The following FOXP2 variants were observed in gnomAD, a reference collection of about 807,000 sequenced individuals.
FOXP2 encodes the protein forkhead box P2.
In FOXP2, 12 loss-of-function variants were observed where a neutral mutation model predicts 115.8. The ratio of observed to expected loss-of-function variants is 0.10; its 90% confidence interval spans 0.07 to 0.17. The LOEUF (loss-of-function observed/expected upper bound fraction) is 0.17. FOXP2 is among the 10% of genes least tolerant of loss of function. The pLI, the probability that FOXP2 is intolerant of heterozygous loss-of-function variation, is 1.00. For missense variants in FOXP2, 629 were observed against 843.5 expected (o/e 0.75, Z 3.15); for synonymous variants, 328 against 297.7 (o/e 1.10, Z -1.05).
At chr7:114,152,708 C>T (rs978111721) in intron 1 of FOXP2, among the ~76,000 whole-genome samples, 2 of 151,970 alleles carry the variant, frequency 1.3e-5, no homozygotes, top group African/African-American at 2.4e-5. Flanking sequence ...GAAGACTGCC[C>T]GTGATTTGGA....
chr7:114,255,080 A>G (rs1273909111), intron 1 of FOXP2, among the ~76,000 whole-genome samples: 2 of 152,196 alleles, frequency 1.3e-5, no homozygotes, highest in Non-Finnish European at 2.9e-5. Context: ...TTGCCTGGGT[A>G]TCAGCAGTGG....
At chr7:114,570,016 T>A (rs570294770) in intron 3 of FOXP2, among the ~76,000 whole-genome samples, 2 of 152,034 alleles carry the variant, frequency 1.3e-5, no homozygotes, top group East Asian at 3.9e-4. Context: ...TCTAAGGATG[T>A]GTTGTCACAT....
chr7:114,287,015 A>G (rs1796482126), intron 1 of FOXP2, among the ~76,000 whole-genome samples: 1 of 152,078 alleles, frequency 6.6e-6, no homozygotes, highest in Non-Finnish European at 1.5e-5. Context: ...TTCAATGCCT[A>G]TGGCAGACAT....
chr7:114,641,987 G>A (rs34742223), intron 6 of FOXP2, among the ~76,000 whole-genome samples: 17,329 of 151,676 alleles, frequency 0.11, 1,090 homozygotes, highest in Middle Eastern at 0.18. Context: ...TGTATTTTTA[G>A]TAGAGACAGG....
chr7:114,187,600 A>T (rs1281222244), intron 1 of FOXP2, among the ~76,000 whole-genome samples: 1 of 152,190 alleles, frequency 6.6e-6, no homozygotes, highest in Non-Finnish European at 1.5e-5. Flanking sequence ...ATTCATGTAA[A>T]TACAGACTTT....
At chr7:114,639,092 T>C (rs1402113243) in intron 6 of FOXP2, among the ~76,000 whole-genome samples, 2 of 152,092 alleles carry the variant, frequency 1.3e-5, no homozygotes, top group Non-Finnish European at 2.9e-5. Context: ...ATTAATAAAA[T>C]CCAAAAACTG....
At chr7:114,631,447 G>A in intron 5 of FOXP2, 81 bp from the exon 6 acceptor site, 1 of 1,545,588 alleles carries the variant, frequency 6.5e-7, no homozygotes, top group Middle Eastern at 2.2e-4. Flanking sequence ...GCAATGAAAG[G>A]AGTGTGCATT....
chr7:114,543,887 A>C (rs917180263), intron 3 of FOXP2, among the ~76,000 whole-genome samples: 1 of 152,214 alleles, frequency 6.6e-6, no homozygotes, highest in Admixed American at 6.5e-5. Flanking sequence ...TATTTTATTG[A>C]AGACTTGAGA....
intron 15 of FOXP2, among the ~76,000 whole-genome samples, 170 bp downstream of exon 15, chr7:114,663,689 T>C (rs1428302324): frequency 4.6e-5 from 7 of 152,052 alleles, no homozygotes; most frequent in Non-Finnish European, 2.9e-5. Flanking sequence ...AAGCTACTTT[T>C]GATGTGAAGA....
intron 1 of FOXP2, among the ~76,000 whole-genome samples, chr7:114,284,757 C>T (rs1441390565): frequency 6.6e-6 from 1 of 152,160 alleles, no homozygotes; most frequent in Admixed American, 6.6e-5. Context: ...CACATGCTCA[C>T]ATATGTTCCT....
Position 114,653,917 on chromosome 7 carries a change from T to C in FOXP2, c.1183-9T>C. The C allele has an allele frequency of 1.9e-6, 3 of 1,612,444 alleles. No homozygotes were observed. Among genetic ancestry groups the C allele is most frequent in the Middle Eastern group, 1.7e-4 (1 of 6,054 alleles). ...CTAAAACGCTTCTGATCTCACTCTTTCTTAACAGCTTTCTAAAGAACGCGA... is the reference window on the plus strand; with the variant it reads ...CTAAAACGCTTCTGATCTCACTCTTCCTTAACAGCTTTCTAAAGAACGCGA... On this transcript the variant is annotated splice_polypyrimidine_tract_variant and intron_variant, in intron 9 of 16. Coordinates refer to ENST00000350908, the MANE Select transcript of FOXP2 (RefSeq NM_014491.4).
At chr7:114,233,104 G>A (rs776917) in intron 1 of FOXP2, among the ~76,000 whole-genome samples, 152,229 of 152,264 alleles carry the variant, frequency 1, 76,097 homozygotes, top group Non-Finnish European at 1. Flanking sequence ...AATTGTGTTT[G>A]TTGTTAACAA....
At chr7:114,250,187 G>T (rs1282045357) in intron 1 of FOXP2, among the ~76,000 whole-genome samples, 1 of 152,008 alleles carries the variant, frequency 6.6e-6, no homozygotes, top group Non-Finnish European at 1.5e-5. Flanking sequence ...TCTTAATCCA[G>T]TCTATCACTG....
chr7:114,279,101 G>T (rs896644377), intron 1 of FOXP2, among the ~76,000 whole-genome samples: 1 of 152,144 alleles, frequency 6.6e-6, no homozygotes, highest in African/African-American at 2.4e-5. Context: ...CAGGAAATCA[G>T]AGTTTCATAA....
In FOXP2 at chr7:114,531,821, T is replaced by C. The variant is rs1248521088; in HGVS notation, c.169-2796T>C. Among the ~76,000 whole-genome samples, 3 of 152,008 alleles carry C rather than the reference T, an allele frequency of 2.0e-5. No individual in the cohort carries two copies. In the East Asian group the frequency reaches 5.8e-4, roughly 29 times the overall value. On this transcript the variant is annotated intron_variant, in intron 2 of 16. Coordinates refer to ENST00000350908, the MANE Select transcript of FOXP2 (RefSeq NM_014491.4). ...TATTATTACTCCTTTACTAACAGTG[T>C]AGGTGTATGCTTTTGACTAGTGATA...
chr7:114,613,603 A>C (rs967148496), intron 3 of FOXP2, among the ~76,000 whole-genome samples: 3 of 151,326 alleles, frequency 2.0e-5, no homozygotes, highest in Admixed American at 6.6e-5. Context: ...TGAACCCGGG[A>C]GGCAGAGGTT....
intron 1 of FOXP2, among the ~76,000 whole-genome samples, chr7:114,203,581 T>A (rs2129160099): frequency 6.6e-6 from 1 of 152,258 alleles, no homozygotes; most frequent in East Asian, 1.9e-4. Flanking sequence ...TGGGCTCAAG[T>A]GATCCTCCCA....
At chr7:114,460,582 A>G (rs563554669) in intron 2 of FOXP2, among the ~76,000 whole-genome samples, 19 of 152,292 alleles carry the variant, frequency 1.2e-4, no homozygotes, top group African/African-American at 4.1e-4. Context: ...TACTAATTAT[A>G]TAATCTTGAG....
intron 2 of FOXP2, among the ~76,000 whole-genome samples, chr7:114,334,941 AT>A (rs1797811026): frequency 6.9e-6 from 1 of 144,350 alleles, no homozygotes; most frequent in African/African-American, 2.5e-5. Flanking sequence ...CTATATATAT[AT>A]ATATATATAT....
Sources: allele counts gnomAD v4.1 joint callset (sites outside exome capture counted in the v4.1 genomes callset), GRCh38; gene constraint gnomAD v4.1.1; transcripts MANE v1.5; gene names NCBI Gene and HGNC (gene_info 2026-07-23, HGNC 2026-07-21).